Variants in SLC16A7 observed in about 807,000 individuals in gnomAD.
SLC16A7 encodes the protein monocarboxylate transporter 2.
Under a neutral mutation model 34.9 loss-of-function variants are expected in SLC16A7, and 33 were observed. The ratio of observed to expected loss-of-function variants is 0.94; its 90% CI spans 0.72 to 1.26. SLC16A7 has a LOEUF of 1.26. Among genes scored for constraint, SLC16A7 ranks in the 50% most tolerant of loss-of-function variants. The pLI, the probability that SLC16A7 is intolerant of heterozygous loss-of-function variation, is 0.00. For synonymous variants in SLC16A7, 201 were observed against 206.6 expected, an observed-to-expected ratio of 0.97 and a Z score of 0.23; for missense variants, 573 against 578.1, an observed-to-expected ratio of 0.99 and a Z score of 0.09.
Position 59,781,699 on chromosome 12 carries a change from C to A in SLC16A7, c.*2020C>A, listed in dbSNP as rs1285837165. On this transcript the variant is annotated 3_prime_UTR_variant, in exon 6 of 6. Transcript: ENST00000547379. ...ATTAGCTATGTTTATATTTTTAGTT[C>A]TTTTTTATTCAACTCAGATTTGTCA... 2 of 152,280 alleles carry A rather than the reference C, an allele frequency of 1.3e-5. No homozygotes were observed. The highest frequency in any genetic ancestry group is 2.9e-5 in the Non-Finnish European group (2 of 67,964). The allele number at this position is 152,280 out of a possible 1,614,324, so 9.4% of individuals were successfully genotyped here. A position where few individuals can be genotyped will look rare whatever the true frequency, so the allele number is the denominator to read the frequency against.
In SLC16A7 at chr12:59,784,078, C is replaced by T. The variant is rs1883445677; in HGVS notation, c.*4399C>T. 1 of 152,094 alleles carries T rather than the reference C, an allele frequency of 6.6e-6. No homozygotes were observed. Among genetic ancestry groups the T allele is most frequent in the African/African-American group, 2.4e-5 (1 of 41,408 alleles). 9.4% of individuals were successfully genotyped at this position (152,094 alleles called of 1,614,324 possible). ...TAGACATAATTACTTCAATATGACT[C>T]TTTTTCTCATAAAAATAATGACATA... On this transcript the variant is annotated 3_prime_UTR_variant, in exon 6 of 6. Coordinates refer to ENST00000547379, the MANE Select transcript of SLC16A7 (RefSeq NM_001270623.2).
At chr12:59,672,003 C>A (rs7966933) in intron 2 of SLC16A7, among the ~76,000 whole-genome samples, 1,299 of 1,332 alleles carry the variant, frequency 0.98, 639 homozygotes, top group South Asian at 1. Flanking sequence ...GTGTATATAT[C>A]CATATATCCG....
intron 3 of SLC16A7, among the ~76,000 whole-genome samples, chr12:59,766,727 T>G (rs1199426530): frequency 4.6e-5 from 7 of 152,096 alleles, no homozygotes; most frequent in African/African-American, 1.4e-4. Context: ...GCTGGATTCG[T>G]TTTGCCAGTA....
chr12:59,680,559 C>T (rs1870664905), intron 2 of SLC16A7, among the ~76,000 whole-genome samples: 1 of 152,076 alleles, frequency 6.6e-6, no homozygotes, highest in African/African-American at 2.4e-5. Flanking sequence ...AAACTTTTTT[C>T]TTTTTACCTC....
chr12:59,745,367 G>T (rs1277467964), intron 3 of SLC16A7, among the ~76,000 whole-genome samples: 1 of 152,200 alleles, frequency 6.6e-6, no homozygotes, highest in African/African-American at 2.4e-5. Flanking sequence ...GTTGGGAATG[G>T]ATGTTGGAGA....
rs371248402 is a variant in SLC16A7, at chr12:59,702,705, T to G, written c.-30-2067T>G. 2.0e-5 allele frequency among the ~76,000 whole-genome samples: 3 copies of G among 152,130 alleles called. No homozygotes were observed. The East Asian group carries it at 5.8e-4, about 29-fold the overall frequency. Reference sequence around the variant, plus strand: ...AATCTTTCAAGTTATTTTATTCATTTTTTGAAAAGCAGATGCCTATGACCA... The same window carrying G: ...AATCTTTCAAGTTATTTTATTCATTGTTTGAAAAGCAGATGCCTATGACCA... On this transcript the variant is annotated intron_variant, in intron 2 of 5. Transcript: ENST00000547379.
chr12:59,633,174 C>T (rs1187741325), intron 1 of SLC16A7, among the ~76,000 whole-genome samples: 1 of 151,934 alleles, frequency 6.6e-6, no homozygotes, highest in Non-Finnish European at 1.5e-5. Flanking sequence ...CAAAGTTAGG[C>T]AGTCTTTTTG....
chr12:59,703,069 G>T (rs1419865239), intron 2 of SLC16A7, among the ~76,000 whole-genome samples: 1 of 152,024 alleles, frequency 6.6e-6, no homozygotes. Context: ...TATTTATTGA[G>T]TGAGATCCCC....
intron 5 of SLC16A7, among the ~76,000 whole-genome samples, chr12:59,779,158 T>G (rs754897315): frequency 3.1e-4 from 47 of 151,936 alleles, no homozygotes; most frequent in Non-Finnish European, 4.3e-4. Context: ...ACACAAAAAA[T>G]GCCTAGTTTG....
At chr12:59,710,530 C>G (rs891942682) in intron 3 of SLC16A7, among the ~76,000 whole-genome samples, 1 of 152,124 alleles carries the variant, frequency 6.6e-6, no homozygotes, top group African/African-American at 2.4e-5. Flanking sequence ...GGCTGATAAT[C>G]TAGTACAAAT....
At chr12:59,613,081 C>A (rs1249876947) in intron 1 of SLC16A7, among the ~76,000 whole-genome samples, 1 of 152,210 alleles carries the variant, frequency 6.6e-6, no homozygotes, top group Non-Finnish European at 1.5e-5. Flanking sequence ...AGGACAGATT[C>A]TGGACTGGGT....
intron 4 of SLC16A7, among the ~76,000 whole-genome samples, chr12:59,772,894 A>C (rs1444655476): frequency 6.6e-6 from 1 of 152,094 alleles, no homozygotes; most frequent in Non-Finnish European, 1.5e-5. Context: ...TGTTAGGTGA[A>C]GTCAAGCTCA....
At position 59,775,301 on chromosome 12, in the gene SLC16A7, G is replaced by A; in HGVS notation, c.1006G>A (p.Asp336Asn). Residue 336 changes from aspartate (D) to asparagine (N), a missense_variant, in exon 5 of 6, where the codon GAC becomes AAC. Physicochemically the swap from Asp to Asn is conservative, Grantham distance 23. Transcript: ENST00000547379. ...TCACCTCTTGTGCCCACTGGCACAGGACTACACAAGCCTGGTATTATATGC... is the reference window on the plus strand; with the variant it reads ...TCACCTCTTGTGCCCACTGGCACAGAACTACACAAGCCTGGTATTATATGC... ...VCHLLCPLAQ[D>N]YTSLVLYAVF... is the part of the protein sequence containing the mutation. The A allele has an allele frequency of 6.2e-7, 1 of 1,614,128 alleles. No individual in the cohort carries two copies. Among genetic ancestry groups the A allele is most frequent in the Non-Finnish European group, 8.5e-7 (1 of 1,180,006 alleles).
chr12:59,730,601 G>A (rs1350149488), intron 3 of SLC16A7, among the ~76,000 whole-genome samples: 1 of 152,102 alleles, frequency 6.6e-6, no homozygotes, highest in African/African-American at 2.4e-5. Flanking sequence ...ACTTAGCTAA[G>A]GAGGACAAGG....
chr12:59,696,692 T>G (rs532711963), intron 2 of SLC16A7, among the ~76,000 whole-genome samples: 54 of 152,000 alleles, frequency 3.6e-4, no homozygotes, highest in Non-Finnish European at 7.1e-4. Context: ...TGACAATTGG[T>G]CAACTCAAGA....
intron 1 of SLC16A7, among the ~76,000 whole-genome samples, chr12:59,645,484 C>T (rs1173056699): frequency 1.3e-5 from 2 of 152,094 alleles, no homozygotes; most frequent in African/African-American, 4.8e-5. Flanking sequence ...CTTCTTCTTC[C>T]TGCTGCCAAG....
chr12:59,692,345 C>T (rs149948563), intron 2 of SLC16A7, among the ~76,000 whole-genome samples: 1 of 152,002 alleles, frequency 6.6e-6, no homozygotes, highest in Non-Finnish European at 1.5e-5. Flanking sequence ...GGTAATATTA[C>T]AAGTTCTGGG....
At chr12:59,615,489 G>T (rs760851648) in intron 1 of SLC16A7, among the ~76,000 whole-genome samples, 5 of 152,012 alleles carry the variant, frequency 3.3e-5, no homozygotes, top group Admixed American at 6.5e-5. Context: ...ACAATCTCTT[G>T]TAAGAGGAAT....
chr12:59,681,059 C>T (rs1232204520), intron 2 of SLC16A7, among the ~76,000 whole-genome samples: 1 of 152,196 alleles, frequency 6.6e-6, no homozygotes, highest in Non-Finnish European at 1.5e-5. Flanking sequence ...AACTGATTCC[C>T]AAAGACCCAA....
Sources: allele counts gnomAD v4.1 joint callset (sites outside exome capture counted in the v4.1 genomes callset), GRCh38; gene constraint gnomAD v4.1.1; transcripts MANE v1.5; gene names NCBI Gene and HGNC (gene_info 2026-07-23, HGNC 2026-07-21).